ABCA1: variants seen among roughly 807,000 people sequenced by gnomAD.
ABCA1 encodes the protein phospholipid-transporting ATPase ABCA1.
A neutral mutation model predicts 262.5 loss-of-function variants in ABCA1; 133 were observed. The ratio of observed to expected loss-of-function variants is 0.51; its 90% CI spans 0.44 to 0.59. ABCA1 has a LOEUF of 0.59. Ranked by LOEUF, ABCA1 falls within the 20% of genes least tolerant of loss-of-function variation. The probability of loss-of-function intolerance (pLI) is 0.00; values close to 1 mark genes in which losing one functional copy is unlikely to be tolerated. For missense variants in ABCA1, 2,452 were observed against 2,777.5 expected, an observed-to-expected ratio of 0.88 and a Z score of 2.63; for synonymous variants, 1,022 against 1,043.5, an observed-to-expected ratio of 0.98 and a Z score of 0.40.
intron 1 of ABCA1, among the ~76,000 whole-genome samples, chr9:104,918,290 T>C (rs1403761489): frequency 2.0e-5 from 3 of 152,298 alleles, no homozygotes; most frequent in African/African-American, 7.2e-5. Flanking sequence ...TGAAAACCTG[T>C]AGAGAGAGAC....
At chr9:104,785,303 A>C (rs1024652816) in intron 49 of ABCA1, 93 bp downstream of exon 49, 5 of 1,524,930 alleles carry the variant, frequency 3.3e-6, no homozygotes, top group Non-Finnish European at 4.5e-6. Flanking sequence ...GCACCAATTC[A>C]AGATACAAAC....
intron 28 of ABCA1, 25 bp downstream of exon 28, chr9:104,812,549 C>G: frequency 6.2e-7 from 1 of 1,614,060 alleles, no homozygotes; most frequent in Non-Finnish European, 8.5e-7. Context: ...AAGCCAGAGT[C>G]TCTGGCGAAA....
At chr9:104,861,504 G>T in intron 6 of ABCA1, 175 bp downstream of exon 6, 1 of 860,790 alleles carries the variant, frequency 1.2e-6, no homozygotes, top group Non-Finnish European at 1.9e-6. Flanking sequence ...TCCACTCCTG[G>T]ATGGTTTGGC....
chr9:104,816,376 A>T, intron 24 of ABCA1, 31 bp from the exon 25 acceptor site: 1 of 1,607,430 alleles, frequency 6.2e-7, no homozygotes, highest in Non-Finnish European at 8.5e-7. Context: ...AGATGGCTCA[A>T]TCAACTCAGA....
intron 1 of ABCA1, among the ~76,000 whole-genome samples, chr9:104,927,175 A>T (rs1421593723): frequency 6.7e-6 from 1 of 149,266 alleles, no homozygotes; most frequent in Non-Finnish European, 1.5e-5. Flanking sequence ...GTTCCATTGC[A>T]CTCCAGCCTG....
At chr9:104,877,308 T>G (rs1838244851) in intron 5 of ABCA1, among the ~76,000 whole-genome samples, 1 of 152,248 alleles carries the variant, frequency 6.6e-6, no homozygotes, top group South Asian at 2.1e-4. Context: ...TATTTTATTT[T>G]CTCCCACCTT....
At chr9:104,851,399 T>G (rs894208547) in intron 7 of ABCA1, among the ~76,000 whole-genome samples, 1 of 152,148 alleles carries the variant, frequency 6.6e-6, no homozygotes, top group Non-Finnish European at 1.5e-5. Flanking sequence ...GTCTCATCGT[T>G]CCTTCTCCCA....
At chr9:104,820,203 G>GA in intron 20 of ABCA1, 134 bp from the exon 21 acceptor site, 2 of 1,155,068 alleles carry the variant, frequency 1.7e-6, no homozygotes, top group South Asian at 2.6e-5. Flanking sequence ...ATCAATTTCT[G>GA]AAAAATAATC....
intron 5 of ABCA1, among the ~76,000 whole-genome samples, chr9:104,874,101 C>G (rs1437294139): frequency 6.6e-6 from 1 of 152,156 alleles, no homozygotes; most frequent in Non-Finnish European, 1.5e-5. Context: ...AAAATCAAAC[C>G]AGAATCAAAG....
chr9:104,900,117 C>T (rs1342501048), intron 2 of ABCA1, among the ~76,000 whole-genome samples: 1 of 152,202 alleles, frequency 6.6e-6, no homozygotes, highest in African/African-American at 2.4e-5. Context: ...CAAACCAGGA[C>T]ACAGAATGAA....
At chr9:104,832,043 T>C (rs1180449530) in intron 12 of ABCA1, among the ~76,000 whole-genome samples, 1 of 152,222 alleles carries the variant, frequency 6.6e-6, no homozygotes, top group Non-Finnish European at 1.5e-5. Flanking sequence ...TTTAGGGATA[T>C]GTTATTTATT....
At chr9:104,891,062 T>G (rs529725540) in intron 2 of ABCA1, among the ~76,000 whole-genome samples, 16 of 152,226 alleles carry the variant, frequency 1.1e-4, no homozygotes, top group Admixed American at 7.9e-4. Context: ...ACATAAAATA[T>G]AATCTTAAAA....
intron 7 of ABCA1, among the ~76,000 whole-genome samples, chr9:104,848,790 A>G (rs936584964): frequency 8.5e-5 from 13 of 152,148 alleles, no homozygotes; most frequent in East Asian, 7.8e-4. Context: ...GCTTGGTGGT[A>G]TATTCTGTGT....
chr9:104,819,977 T>A lies in ABCA1; in HGVS notation c.3053A>T (p.Asp1018Val), dbSNP rs140365800. The A allele has an allele frequency of 1.2e-6, 2 of 1,614,032 alleles. No homozygotes were observed. Among genetic ancestry groups the A allele is most frequent in the South Asian group, 2.2e-5 (2 of 91,080 alleles). Residue 1018 changes from aspartate (D) to valine (V), a missense_variant, in exon 21 of 50, where the codon GAT becomes GTT. This residue lies in a region of ABCA1 where 665 missense variants were observed against 727.3 expected (regional missense o/e 0.91). Coordinates refer to ENST00000374736, the MANE Select transcript of ABCA1 (RefSeq NM_005502.4). ...VKAEMEQMAL[D>V]VGLPSSKLKS... ...CAGCTTGCTTGATGGCAAACCAACA[T>A]CCAGGGCCATCTGCTCCATCTCCGC...
intron 2 of ABCA1, among the ~76,000 whole-genome samples, chr9:104,896,442 C>T (rs72735008): frequency 0.018 from 2,726 of 152,202 alleles, 31 homozygotes; most frequent in Middle Eastern, 0.024. Context: ...ATTTCCCAAG[C>T]TAATTTATAG....
At chr9:104,892,780 C>T (rs937722672) in intron 2 of ABCA1, among the ~76,000 whole-genome samples, 1 of 152,156 alleles carries the variant, frequency 6.6e-6, no homozygotes, top group Non-Finnish European at 1.5e-5. Context: ...AATTACTATT[C>T]CTGGAAATTC....
Position 104,858,589 on chromosome 9 carries a change from G to C in ABCA1, c.653C>G (p.Pro218Arg). 1 of 1,614,114 alleles carries C rather than the reference G, an allele frequency of 6.2e-7. No individual in the cohort carries two copies. The change falls in exon 7 of 50, where the codon CCA becomes CGA. Residue 218 changes from proline (P) to arginine (R), a missense_variant. Pro to Arg is a moderately radical substitution (Grantham distance 103, BLOSUM62 -2). Coordinates refer to ENST00000374736, the MANE Select transcript of ABCA1 (RefSeq NM_005502.4). ...CTCTGCTGCAGCCAGTTTCTCCCTTGGTAGGCCACAAAGCTCAGAAACTTC... is the reference window on the plus strand; with the variant it reads ...CTCTGCTGCAGCCAGTTTCTCCCTTCGTAGGCCACAAAGCTCAGAAACTTC... The part of the protein sequence containing the change: ...DQEVSELCGL[P>R]REKLAAAERV...
intron 27 of ABCA1, among the ~76,000 whole-genome samples, chr9:104,813,872 G>T (rs1372559439): frequency 2.0e-5 from 3 of 152,204 alleles, no homozygotes; most frequent in African/African-American, 7.2e-5. Flanking sequence ...ATAAATACAT[G>T]GGTTCAGAGG....
rs892210899 is a variant in ABCA1, at chr9:104,785,525, G to A, written c.6516C>T (p.His2172=). 2 of 1,614,160 alleles carry A rather than the reference G, an allele frequency of 1.2e-6. No homozygotes were observed. The highest frequency in any genetic ancestry group is 8.5e-7 in the Non-Finnish European group (1 of 1,180,008). Residue 2172 remains histidine (H), a synonymous_variant, in exon 49 of 50, where the codon CAC becomes CAT. Coordinates refer to ENST00000374736, the MANE Select transcript of ABCA1 (RefSeq NM_005502.4). ...AFPGSVLKEK[H]RNMLQYQLPS... ...GAAGCTGGTATTGTAGCATGTTCCG[G>A]TGTTTCTCTTTTAGAACACTTCCAG...
Sources: gnomAD v4.1 joint callset for allele counts (sites outside exome capture counted in the v4.1 genomes callset) on GRCh38, gnomAD v4.1.1 for gene constraint, gnomAD v4.1.1 regional missense constraint, MANE v1.5 for transcripts, NCBI Gene and HGNC (gene_info 2026-07-23, HGNC 2026-07-21) for gene names.